PTPRZ1: variants seen among roughly 807,000 people sequenced by gnomAD.
PTPRZ1 encodes receptor-type tyrosine-protein phosphatase zeta.
A neutral mutation model predicts 214.1 loss-of-function variants in PTPRZ1; 82 were observed. The observed-to-expected ratio is 0.38, with a 90% CI of 0.32 to 0.46. PTPRZ1 has a LOEUF of 0.46. PTPRZ1 is among the 20% of genes least tolerant of loss of function. The pLI is 1.00. For missense variants in PTPRZ1, 2,603 were observed against 2,748.7 expected (o/e 0.95, Z 1.19); for synonymous variants, 945 against 987.9 (o/e 0.96, Z 0.81).
At chr7:122,033,879 GTTTTC>G (rs1799459364) in intron 15 of PTPRZ1, 1 of 532,346 alleles carries the variant, frequency 1.9e-6, no homozygotes, top group Non-Finnish European at 3.3e-6. Context: ...AAAGTGTTAT[GTTTTC>G]TTTTACATAA....
chr7:121,960,260 C>G (rs986293143), intron 2 of PTPRZ1, among the ~76,000 whole-genome samples: 2 of 152,102 alleles, frequency 1.3e-5, no homozygotes, highest in Non-Finnish European at 2.9e-5. Context: ...AGGCTCGTCT[C>G]AAACTCCTGA....
rs747760131 is a variant in PTPRZ1 at position 122,010,782 on chromosome 7, T to C, written c.1736T>C (p.Leu579Pro). 3.7e-5 allele frequency: 60 copies of C among 1,613,922 alleles called. No homozygotes were observed. The highest frequency in any genetic ancestry group is 5.0e-5 in the Non-Finnish European group (59 of 1,179,960). The change falls in exon 12 of 30, where the codon CTT becomes CCT. Residue 579 changes from leucine (L) to proline (P), a missense_variant. Coordinates refer to ENST00000393386, the MANE Select transcript of PTPRZ1 (RefSeq NM_002851.3). ...EEESLLTSFKLDTGAEDSSGS... is the reference protein window; with the variant it reads ...EEESLLTSFKPDTGAEDSSGS... ...GAGAGTTTATTGACCAGTTTCAAGC[T>C]TGATACTGGAGCTGAAGATTCTTCA...
chr7:121,953,322 A>G (rs969174662), intron 2 of PTPRZ1, among the ~76,000 whole-genome samples: 6 of 152,228 alleles, frequency 3.9e-5, no homozygotes, highest in African/African-American at 2.4e-5. Context: ...TGATATCTGT[A>G]TGAGTGTCTA....
At chr7:121,920,411 A>G (rs1010149153) in intron 1 of PTPRZ1, among the ~76,000 whole-genome samples, 46 of 152,114 alleles carry the variant, frequency 3.0e-4, no homozygotes, top group Non-Finnish European at 1.8e-4. Flanking sequence ...ACTCCCTTTT[A>G]TATACTTTTT....
intron 3 of PTPRZ1, 26 bp from the exon 4 acceptor site, chr7:121,972,515 A>T (rs766571116): frequency 6.4e-7 from 1 of 1,566,986 alleles, no homozygotes; most frequent in Admixed American, 1.9e-5. Context: ...TCAGAAGCTT[A>T]GGTGCAATTG....
intron 1 of PTPRZ1, among the ~76,000 whole-genome samples, chr7:121,899,776 T>G (rs1794904840): frequency 6.6e-6 from 1 of 152,210 alleles, no homozygotes; most frequent in East Asian, 1.9e-4. Flanking sequence ...GAGTATTACA[T>G]GGTGTTCACG....
At position 121,936,591 on chromosome 7, in the gene PTPRZ1, T is replaced by C. The variant is rs76082666; in HGVS notation, c.124+8370T>C. Among the ~76,000 whole-genome samples, 927 of 152,258 alleles carry C rather than the reference T, an allele frequency of 6.1e-3. 7 individuals carry two copies. Among genetic ancestry groups the C allele is most frequent in the African/African-American group, 0.021 (856 of 41,534 alleles). On this transcript the variant is annotated intron_variant, in intron 2 of 29. Transcript: ENST00000393386. ...ATGTGCAAAATCACATCAGATTCACTCAAAAGTTACGTTAAAGTAGAAACA... is the reference window on the plus strand; with the variant it reads ...ATGTGCAAAATCACATCAGATTCACCCAAAAGTTACGTTAAAGTAGAAACA...
intron 20 of PTPRZ1, among the ~76,000 whole-genome samples, chr7:122,039,790 G>A (rs1799659969): frequency 3.3e-5 from 5 of 152,114 alleles, no homozygotes; most frequent in Admixed American, 3.3e-4. Context: ...TTGAGGTCAG[G>A]AGGTCGAGAC....
chr7:121,878,604 G>A (rs1314764444), intron 1 of PTPRZ1, among the ~76,000 whole-genome samples: 1 of 152,122 alleles, frequency 6.6e-6, no homozygotes, highest in African/African-American at 2.4e-5. Context: ...GAGATTAACT[G>A]CTGGTTCGGG....
At chr7:122,017,176 A>G (rs1798867087) in intron 12 of PTPRZ1, among the ~76,000 whole-genome samples, 1 of 152,210 alleles carries the variant, frequency 6.6e-6, no homozygotes, top group African/African-American at 2.4e-5. Context: ...AATAGTTACA[A>G]TAGAAAAAAC....
intron 14 of PTPRZ1, among the ~76,000 whole-genome samples, chr7:122,028,910 C>G (rs559340629): frequency 3.3e-5 from 5 of 151,916 alleles, no homozygotes; most frequent in African/African-American, 7.2e-5. Context: ...AAAACATAAA[C>G]ATTTATAGCA....
chr7:121,917,973 C>G (rs1432638220), intron 1 of PTPRZ1, among the ~76,000 whole-genome samples: 1 of 151,704 alleles, frequency 6.6e-6, no homozygotes, highest in African/African-American at 2.4e-5. Flanking sequence ...ATTGAAGATC[C>G]ATTGAAAAAT....
intron 1 of PTPRZ1, among the ~76,000 whole-genome samples, chr7:121,911,488 T>C (rs1313703274): frequency 6.6e-6 from 1 of 152,124 alleles, no homozygotes; most frequent in Non-Finnish European, 1.5e-5. Flanking sequence ...TTTTCTTCCA[T>C]ATAAATGTTT....
chr7:121,959,319 C>T (rs767214314), intron 2 of PTPRZ1, among the ~76,000 whole-genome samples: 9 of 152,160 alleles, frequency 5.9e-5, no homozygotes, highest in Non-Finnish European at 1.2e-4. Context: ...TGTAGTTTGA[C>T]GAAACAGGTT....
intron 8 of PTPRZ1, among the ~76,000 whole-genome samples, chr7:121,994,396 G>A (rs997913952): frequency 1.4e-5 from 2 of 138,004 alleles, no homozygotes; most frequent in South Asian, 2.4e-4. Flanking sequence ...CCGGGTTCAC[G>A]CCATTCTCCT....
intron 2 of PTPRZ1, among the ~76,000 whole-genome samples, chr7:121,966,686 C>T (rs1024041297): frequency 1.3e-5 from 2 of 152,126 alleles, no homozygotes; most frequent in African/African-American, 4.8e-5. Context: ...GTATAGACGG[C>T]TTCATGGTGT....
At chr7:122,039,109 T>G (rs1341277352) in intron 19 of PTPRZ1, among the ~76,000 whole-genome samples, 1 of 152,150 alleles carries the variant, frequency 6.6e-6, no homozygotes, top group East Asian at 1.9e-4. Context: ...CTTCATACTG[T>G]GGGAGAAGTA....
chr7:122,060,395 A>G (rs1363716629), intron 29 of PTPRZ1, among the ~76,000 whole-genome samples: 2 of 152,190 alleles, frequency 1.3e-5, no homozygotes, highest in African/African-American at 4.8e-5. Flanking sequence ...ACTGCGTCAC[A>G]TGTAGGCCTC....
intron 2 of PTPRZ1, among the ~76,000 whole-genome samples, chr7:121,955,817 T>C (rs920939471): frequency 6.6e-6 from 1 of 152,196 alleles, no homozygotes; most frequent in Non-Finnish European, 1.5e-5. Context: ...ACAAGAACTC[T>C]CTGTTGTTAT....
Sources: gnomAD v4.1 joint callset for allele counts (sites outside exome capture counted in the v4.1 genomes callset) on GRCh38, gnomAD v4.1.1 for gene constraint, MANE v1.5 for transcripts, NCBI Gene and HGNC (gene_info 2026-07-23, HGNC 2026-07-21) for gene names.